AKAP19: variants seen among roughly 807,000 people sequenced by gnomAD.
AKAP19 encodes small A-kinase anchoring protein.
the AKAP19 span, among the ~76,000 whole-genome samples, chr2:190,068,632 G>C: frequency 6.6e-6 from 1 of 152,138 alleles, no homozygotes; most frequent in Non-Finnish European, 1.5e-5. Flanking sequence ...ACTGCACCTG[G>C]CCAGAACAGT....
At chr2:190,200,031 G>C in the AKAP19 span, 2 of 1,614,132 alleles carry the variant, frequency 1.2e-6, no homozygotes, top group Non-Finnish European at 1.7e-6. Flanking sequence ...CCAATACTGT[G>C]ATCTTGGAAT....
chr2:190,010,298 T>TA, the AKAP19 span, among the ~76,000 whole-genome samples: 1 of 152,228 alleles, frequency 6.6e-6, no homozygotes, highest in East Asian at 1.9e-4. Context: ...TTGTGGAATT[T>TA]ATCCTTTAAT....
the AKAP19 span, among the ~76,000 whole-genome samples, chr2:190,055,309 T>C: frequency 1.8e-5 from 2 of 113,160 alleles, no homozygotes; most frequent in African/African-American, 7.0e-5. Flanking sequence ...AAGGGGAACA[T>C]CACACACCGG....
the AKAP19 span, among the ~76,000 whole-genome samples, chr2:190,045,572 C>T: frequency 3.9e-5 from 6 of 152,258 alleles, no homozygotes; most frequent in East Asian, 1.9e-4. Flanking sequence ...CTCTCCAAAT[C>T]CTGAAGGCTG....
At chr2:190,008,766 ACACACC>A in the AKAP19 span, among the ~76,000 whole-genome samples, 60,963 of 132,474 alleles carry the variant, frequency 0.46, 14,355 homozygotes, top group South Asian at 0.67. Context: ...ACACACACAC[ACACACC>A]CACCTGGTCT....
chr2:189,895,282 A>G, the AKAP19 span, among the ~76,000 whole-genome samples: 1 of 152,162 alleles, frequency 6.6e-6, no homozygotes, highest in African/African-American at 2.4e-5. Context: ...GTTCTGCACT[A>G]GTATGTAATC....
chr2:190,199,747 G>GCCCTGGAGAGGGAAAGCAC, the AKAP19 span: 9 of 1,517,802 alleles, frequency 5.9e-6, no homozygotes, highest in African/African-American at 9.7e-5. Context: ...TTACTGAAGT[G>GCCCTGGAGAGGGAAAGCAC]CCCTGGAGAG....
At chr2:190,034,421 A>G in the AKAP19 span, among the ~76,000 whole-genome samples, 2 of 150,866 alleles carry the variant, frequency 1.3e-5, no homozygotes, top group African/African-American at 4.9e-5. Flanking sequence ...TAGCTAATAG[A>G]CTTAAAAAAA....
the AKAP19 span, chr2:190,200,128 A>AT: frequency 1.2e-6 from 2 of 1,613,922 alleles, no homozygotes; most frequent in East Asian, 2.2e-5. Context: ...CATTCCATAC[A>AT]TTGAGAGTGA....
At chr2:190,020,581 G>T in the AKAP19 span, among the ~76,000 whole-genome samples, 1 of 152,134 alleles carries the variant, frequency 6.6e-6, no homozygotes, top group Non-Finnish European at 1.5e-5. Flanking sequence ...TACTCTGGTT[G>T]AGTTTGAGGT....
the AKAP19 span, among the ~76,000 whole-genome samples, chr2:189,980,470 G>A: frequency 6.6e-6 from 1 of 152,068 alleles, no homozygotes; most frequent in East Asian, 1.9e-4. Context: ...GAGTAGCTGG[G>A]ACTACAAGCA....
the AKAP19 span, among the ~76,000 whole-genome samples, chr2:190,037,545 A>G: frequency 6.6e-6 from 1 of 152,158 alleles, no homozygotes; most frequent in South Asian, 2.1e-4. Flanking sequence ...TAGAGTATAG[A>G]CTCCATAGCC....
At chr2:190,010,868 CA>C in the AKAP19 span, among the ~76,000 whole-genome samples, 1 of 151,972 alleles carries the variant, frequency 6.6e-6, no homozygotes, top group East Asian at 1.9e-4. Flanking sequence ...ACTTAACATA[CA>C]ATGTTATGTA....
At chr2:190,098,948 C>T in the AKAP19 span, among the ~76,000 whole-genome samples, 8 of 152,212 alleles carry the variant, frequency 5.3e-5, no homozygotes, top group African/African-American at 1.9e-4. Context: ...CTGGCACTTC[C>T]TCATCTCTCT....
the AKAP19 span, among the ~76,000 whole-genome samples, chr2:189,890,256 G>A: frequency 2.0e-5 from 3 of 152,158 alleles, no homozygotes; most frequent in African/African-American, 7.2e-5. Context: ...TTAATTCTGA[G>A]TTCTAATTTG....
the AKAP19 span, among the ~76,000 whole-genome samples, chr2:190,152,194 A>C: frequency 6.6e-6 from 1 of 152,146 alleles, no homozygotes; most frequent in Admixed American, 6.5e-5. Context: ...TTTAAGCAAG[A>C]AAGGTCTTCC....
the AKAP19 span, among the ~76,000 whole-genome samples, chr2:190,132,153 G>T: frequency 2.6e-5 from 4 of 152,290 alleles, no homozygotes; most frequent in African/African-American, 9.6e-5. Context: ...GAAATAAATT[G>T]AAGACACAGA....
chr2:190,187,831 C>T, the AKAP19 span, among the ~76,000 whole-genome samples: 824 of 152,260 alleles, frequency 5.4e-3, 25 homozygotes, highest in Admixed American at 0.049. Flanking sequence ...CCAGCCCAGG[C>T]GATGGACTGA....
the AKAP19 span, among the ~76,000 whole-genome samples, chr2:190,015,275 T>C: frequency 6.6e-6 from 1 of 152,164 alleles, no homozygotes; most frequent in Non-Finnish European, 1.5e-5. Context: ...TCCTTTGAAA[T>C]CTATATGGAG....
Sources: allele counts gnomAD v4.1 joint callset (sites outside exome capture counted in the v4.1 genomes callset), GRCh38; gene constraint gnomAD v4.1.1; transcripts MANE v1.5; gene names NCBI Gene and HGNC (gene_info 2026-07-23, HGNC 2026-07-21).